The following GALNT13 variants were observed in gnomAD, a reference collection of about 807,000 sequenced individuals.
The protein encoded by GALNT13 is UDP-GalNAc:polypeptide N-acetylgalactosaminyltransferase 13.
A neutral mutation model predicts 64.2 loss-of-function variants in GALNT13; 28 were observed. The observed-to-expected ratio is 0.44, with a 90% CI of 0.32 to 0.60. GALNT13 has a LOEUF of 0.60. Among genes scored for constraint, GALNT13 ranks in the 20% least tolerant of loss-of-function variants. The pLI is 0.05. For missense variants in GALNT13, 577 were observed against 669.8 expected (o/e 0.86, Z 1.53); for synonymous variants, 214 against 224.6 (o/e 0.95, Z 0.42).
chr2:153,834,534 T>A, the GALNT13 span, among the ~76,000 whole-genome samples: 2 of 152,166 alleles, frequency 1.3e-5, no homozygotes, highest in African/African-American at 4.8e-5. Flanking sequence ...TTGTCAGCTC[T>A]TGTTTTTTCA....
chr2:153,885,329 TCTAA>T (rs1574043361), intron 1 of GALNT13, among the ~76,000 whole-genome samples: 2 of 152,098 alleles, frequency 1.3e-5, no homozygotes, highest in Non-Finnish European at 2.9e-5. Context: ...TTACTTTGTG[TCTAA>T]CTGACTTTAC....
At chr2:153,584,296 C>T in the GALNT13 span, among the ~76,000 whole-genome samples, 21 of 152,282 alleles carry the variant, frequency 1.4e-4, no homozygotes, top group Non-Finnish European at 1.6e-4. Flanking sequence ...AATTTCACTG[C>T]TCCCCTCCAA....
At chr2:154,331,786 TA>T (rs1166063202) in intron 9 of GALNT13, among the ~76,000 whole-genome samples, 1 of 152,088 alleles carries the variant, frequency 6.6e-6, no homozygotes, top group Non-Finnish European at 1.5e-5. Flanking sequence ...AATGACTTTT[TA>T]AACTTTTTTT....
At chr2:153,915,326 G>C (rs1021832071) in intron 2 of GALNT13, among the ~76,000 whole-genome samples, 1 of 152,072 alleles carries the variant, frequency 6.6e-6, no homozygotes, top group African/African-American at 2.4e-5. Flanking sequence ...AGTTCTCACT[G>C]GTCTCTACTC....
chr2:154,436,212 A>G (rs928088039), intron 11 of GALNT13: 1 of 152,206 alleles, frequency 6.6e-6, no homozygotes, highest in African/African-American at 2.4e-5. Flanking sequence ...AAAATTTAGC[A>G]GACATATAAT....
At chr2:153,464,607 G>A in the GALNT13 span, among the ~76,000 whole-genome samples, 2 of 152,108 alleles carry the variant, frequency 1.3e-5, no homozygotes, top group African/African-American at 2.4e-5. Flanking sequence ...ATATTATAGC[G>A]AGCAGTATTT....
At position 154,276,769 on chromosome 2, in the gene GALNT13, A is replaced by G. The variant is rs1691672268; in HGVS notation, c.975+17631A>G. ...GGATCTGGTGGGAGGCAATTTAATC[A>G]TGGGGGTGGTTAGTTGAGTGCTGCT... On this transcript the variant is annotated intron_variant, in intron 8 of 12. Coordinates refer to ENST00000392825, the MANE Select transcript of GALNT13 (RefSeq NM_052917.4). Among the ~76,000 whole-genome samples, 5 of 152,136 alleles carry G rather than the reference A, an allele frequency of 3.3e-5. No homozygotes were observed. In the South Asian group the frequency reaches 6.2e-4, roughly 19 times the overall value.
the GALNT13 span, among the ~76,000 whole-genome samples, chr2:153,456,725 T>A: frequency 6.6e-6 from 1 of 152,250 alleles, no homozygotes; most frequent in Non-Finnish European, 1.5e-5. Flanking sequence ...AAATGAAAAA[T>A]CTTAAGTTTA....
chr2:153,541,628 T>G, the GALNT13 span, among the ~76,000 whole-genome samples: 1 of 152,234 alleles, frequency 6.6e-6, no homozygotes, highest in African/African-American at 2.4e-5. Context: ...CTACCTTGTT[T>G]GATTGTAGGC....
the GALNT13 span, among the ~76,000 whole-genome samples, chr2:153,232,292 A>G: frequency 3.9e-4 from 60 of 152,336 alleles, no homozygotes; most frequent in Non-Finnish European, 7.8e-4. Context: ...AAAGCAAGCT[A>G]TTTAAAAACC....
intron 8 of GALNT13, among the ~76,000 whole-genome samples, chr2:154,288,155 G>A (rs775827592): frequency 6.6e-6 from 1 of 152,102 alleles, no homozygotes; most frequent in African/African-American, 2.4e-5. Context: ...CTTACATGGA[G>A]GCAGGAAAGA....
intron 3 of GALNT13, among the ~76,000 whole-genome samples, chr2:154,098,346 T>C (rs956523254): frequency 6.6e-6 from 1 of 152,026 alleles, no homozygotes; most frequent in African/African-American, 2.4e-5. Flanking sequence ...ATGGATTATT[T>C]TTTTTTCTTC....
chr2:153,970,431 T>A (rs562632426), intron 3 of GALNT13, among the ~76,000 whole-genome samples: 21 of 152,314 alleles, frequency 1.4e-4, no homozygotes, highest in African/African-American at 4.8e-4. Flanking sequence ...AGGTTCCCTG[T>A]CTTCACCTTA....
intron 3 of GALNT13, among the ~76,000 whole-genome samples, chr2:154,019,648 AC>A: frequency 6.8e-6 from 1 of 146,764 alleles, no homozygotes; most frequent in African/African-American, 2.5e-5. Context: ...ACACACACAC[AC>A]ACACAAAAGC....
intron 4 of GALNT13, among the ~76,000 whole-genome samples, chr2:154,203,149 G>T (rs1046168174): frequency 2.6e-5 from 4 of 151,996 alleles, no homozygotes; most frequent in Admixed American, 1.3e-4. Flanking sequence ...TGGGGAGGAG[G>T]GAGATACAAA....
the GALNT13 span, among the ~76,000 whole-genome samples, chr2:153,339,640 G>A: frequency 1.3e-5 from 2 of 151,922 alleles, no homozygotes; most frequent in African/African-American, 2.4e-5. Context: ...GTTTATTTTT[G>A]TGTTAGTTGC....
At chr2:154,264,954 TATG>T (rs1690908121) in intron 8 of GALNT13, among the ~76,000 whole-genome samples, 1 of 150,218 alleles carries the variant, frequency 6.7e-6, no homozygotes, top group East Asian at 1.9e-4. Flanking sequence ...ATTCCACATA[TATG>T]ATACCTATAT....
the GALNT13 span, among the ~76,000 whole-genome samples, chr2:153,554,519 T>C: frequency 6.6e-6 from 1 of 152,166 alleles, no homozygotes; most frequent in African/African-American, 2.4e-5. Context: ...TCTGATGAAT[T>C]TTTTCAAAGT....
At chr2:153,919,904 C>T (rs919038965) in intron 2 of GALNT13, among the ~76,000 whole-genome samples, 2 of 150,218 alleles carry the variant, frequency 1.3e-5, no homozygotes, top group African/African-American at 2.4e-5. Context: ...TTAACCTCTT[C>T]AGTATCTTCA....
Sources: allele counts gnomAD v4.1 joint callset (sites outside exome capture counted in the v4.1 genomes callset), GRCh38; gene constraint gnomAD v4.1.1; transcripts MANE v1.5; gene names NCBI Gene and HGNC (gene_info 2026-07-23, HGNC 2026-07-21).